Variants in LRP1B observed in about 807,000 individuals in gnomAD.
LRP1B encodes the protein low-density lipoprotein receptor-related protein 1B.
In LRP1B, 217 loss-of-function variants were observed where a neutral mutation model predicts 556.6. That is an observed-to-expected ratio of 0.39 (90% CI 0.35 to 0.44). The LOEUF is 0.44. Among genes scored for constraint, LRP1B ranks in the 20% least tolerant of loss-of-function variants. The pLI is 1.00. For synonymous variants in LRP1B, 2,047 were observed against 1,865.8 expected (o/e 1.10, Z -2.50); for missense variants, 5,053 against 5,620.8 (o/e 0.90, Z 3.23).
At chr2:140,537,044 G>T (rs1679934665) in intron 45 of LRP1B, among the ~76,000 whole-genome samples, 1 of 150,862 alleles carries the variant, frequency 6.6e-6, no homozygotes, top group African/African-American at 2.4e-5. Context: ...GGTGGCACGC[G>T]CCTGTAGTCC....
At chr2:142,053,770 A>G (rs1466737051) in intron 1 of LRP1B, among the ~76,000 whole-genome samples, 1 of 152,142 alleles carries the variant, frequency 6.6e-6, no homozygotes, top group African/African-American at 2.4e-5. Context: ...TTGGCAACAC[A>G]TCTTATGTGA....
At chr2:141,179,726 C>T (rs1680909420) in intron 7 of LRP1B, among the ~76,000 whole-genome samples, 1 of 151,862 alleles carries the variant, frequency 6.6e-6, no homozygotes, top group African/African-American at 2.4e-5. Flanking sequence ...CAACTTACAT[C>T]AGAAAACATC....
At chr2:140,736,965 T>C (rs1012745630) in intron 35 of LRP1B, among the ~76,000 whole-genome samples, 6 of 152,092 alleles carry the variant, frequency 3.9e-5, no homozygotes, top group Non-Finnish European at 7.4e-5. Context: ...GAAGGAATTG[T>C]AGAGCTAGTT....
chr2:140,890,260 A>C (rs1385041049), intron 23 of LRP1B, among the ~76,000 whole-genome samples: 1 of 152,172 alleles, frequency 6.6e-6, no homozygotes, highest in East Asian at 1.9e-4. Context: ...GGAGAAATGC[A>C]TACACAGAGG....
At chr2:140,809,364 T>G (rs1029424424) in intron 32 of LRP1B, among the ~76,000 whole-genome samples, 2 of 152,176 alleles carry the variant, frequency 1.3e-5, no homozygotes, top group Non-Finnish European at 2.9e-5. Context: ...ATGGTTAATA[T>G]TCCTTATGGC....
chr2:141,672,922 C>G (rs1275502679), intron 2 of LRP1B, among the ~76,000 whole-genome samples: 5 of 152,134 alleles, frequency 3.3e-5, no homozygotes, highest in African/African-American at 4.8e-5. Context: ...AGGTTGAGGA[C>G]AGTCCTACTG....
chr2:141,212,369 C>A (rs1318502842), intron 6 of LRP1B, among the ~76,000 whole-genome samples: 1 of 141,962 alleles, frequency 7.0e-6, no homozygotes, highest in Non-Finnish European at 1.5e-5. Context: ...AGCTCCGCCT[C>A]CTGGGTTCAC....
chr2:140,441,410 T>C (rs777869416), intron 66 of LRP1B, among the ~76,000 whole-genome samples: 10 of 152,188 alleles, frequency 6.6e-5, no homozygotes, highest in Non-Finnish European at 1.2e-4. Context: ...GAATTGATTA[T>C]GAAAACAAAT....
rs540752758 is a variant in LRP1B at position 141,190,363 on chromosome 2, A to C, written c.851-1780T>G. Among the ~76,000 whole-genome samples the C allele has an allele frequency of 1.3e-4, 20 of 152,060 alleles. 1 individual carries two copies. In the South Asian group the frequency reaches 4.2e-3, roughly 32 times the overall value. The stretch of plus-strand genomic sequence containing the variant: ...ACAGAATCTTCACAGGGTAGAAGCA[A>C]AGTTCTTTTTGCCCCTACGCTATTC... On this transcript the variant is annotated intron_variant, in intron 6 of 90. Coordinates refer to ENST00000389484, the MANE Select transcript of LRP1B (RefSeq NM_018557.3).
chr2:141,368,881 GT>G (rs144284896), intron 3 of LRP1B, among the ~76,000 whole-genome samples: 4 of 151,566 alleles, frequency 2.6e-5, no homozygotes, highest in South Asian at 2.1e-4. Context: ...TTAAAGAAAA[GT>G]TTTTTTTCTC....
chr2:141,829,333 G>C (rs554650861), intron 1 of LRP1B, among the ~76,000 whole-genome samples: 1 of 151,968 alleles, frequency 6.6e-6, no homozygotes, highest in South Asian at 2.1e-4. Flanking sequence ...ACTCTTTCTT[G>C]TTCTAAAGAG....
chr2:141,772,657 C>T (rs1181624936), intron 2 of LRP1B, among the ~76,000 whole-genome samples: 1 of 152,134 alleles, frequency 6.6e-6, no homozygotes. Context: ...CACGAACAAG[C>T]TACTCATATA....
chr2:140,351,715 C>G (rs1484036225), intron 76 of LRP1B, among the ~76,000 whole-genome samples: 1 of 151,924 alleles, frequency 6.6e-6, no homozygotes, highest in African/African-American at 2.4e-5. Flanking sequence ...ATTAACGAAG[C>G]CCTAAAGAGA....
intron 3 of LRP1B, among the ~76,000 whole-genome samples, chr2:141,266,640 T>C (rs1684901992): frequency 6.6e-6 from 1 of 152,148 alleles, no homozygotes; most frequent in Non-Finnish European, 1.5e-5. Flanking sequence ...CCTCAACTCA[T>C]TGGTGAATAC....
At chr2:141,570,686 T>G (rs2105262650) in intron 2 of LRP1B, among the ~76,000 whole-genome samples, 1 of 151,418 alleles carries the variant, frequency 6.6e-6, no homozygotes, top group Admixed American at 6.6e-5. Flanking sequence ...CATCCATCTC[T>G]ATAGCTTCAG....
intron 41 of LRP1B, among the ~76,000 whole-genome samples, chr2:140,602,192 C>T (rs1338501148): frequency 7.6e-6 from 1 of 130,820 alleles, no homozygotes; most frequent in East Asian, 2.3e-4. Flanking sequence ...TGCTTCTATC[C>T]AACTAATGAG....
At chr2:141,435,241 G>A (rs1458570791) in intron 3 of LRP1B, among the ~76,000 whole-genome samples, 1 of 152,060 alleles carries the variant, frequency 6.6e-6, no homozygotes, top group Non-Finnish European at 1.5e-5. Flanking sequence ...CTTATGGCAG[G>A]TGCCCACTCC....
At chr2:140,531,553 A>G (rs925595227) in intron 47 of LRP1B, among the ~76,000 whole-genome samples, 1 of 152,160 alleles carries the variant, frequency 6.6e-6, no homozygotes, top group Non-Finnish European at 1.5e-5. Flanking sequence ...AACATTCCAT[A>G]CAGCTATGAA....
chr2:140,255,558 T>C (rs1211299549), intron 86 of LRP1B, among the ~76,000 whole-genome samples: 2 of 152,220 alleles, frequency 1.3e-5, no homozygotes, highest in Non-Finnish European at 2.9e-5. Context: ...GCAGAGATTA[T>C]TGATTATTCA....
Sources: gnomAD v4.1 joint callset for allele counts (sites outside exome capture counted in the v4.1 genomes callset) on GRCh38, gnomAD v4.1.1 for gene constraint, MANE v1.5 for transcripts, NCBI Gene and HGNC (gene_info 2026-07-23, HGNC 2026-07-21) for gene names.